The following TBC1D1 variants were observed in gnomAD, a reference collection of about 807,000 sequenced individuals.
The protein encoded by TBC1D1 is TBC1 domain family member 1, also known as TBC1 (tre-2/USP6, BUB2, cdc16) domain family, member 1.
A neutral mutation model predicts 125.6 loss-of-function variants in TBC1D1; 89 were observed. The observed-to-expected ratio is 0.71, with a 90% CI of 0.60 to 0.85. The LOEUF is 0.85. TBC1D1 is among the 40% of genes least tolerant of loss of function. The probability of loss-of-function intolerance (pLI) is 0.00; values close to 1 mark genes in which losing one functional copy is unlikely to be tolerated. For synonymous variants in TBC1D1, 565 were observed against 564.1 expected, an observed-to-expected ratio of 1.00 and a Z score of -0.02; for missense variants, 1,377 against 1,469.2, an observed-to-expected ratio of 0.94 and a Z score of 1.03.
intron 2 of TBC1D1, among the ~76,000 whole-genome samples, chr4:37,949,781 A>G (rs1727453988): frequency 6.6e-6 from 1 of 152,208 alleles, no homozygotes; most frequent in Non-Finnish European, 1.5e-5. Context: ...CCATTTTAGC[A>G]TGAAAGTAAC....
At chr4:37,905,808 A>C (rs377759746) in intron 2 of TBC1D1, among the ~76,000 whole-genome samples, 5 of 152,210 alleles carry the variant, frequency 3.3e-5, no homozygotes, top group African/African-American at 1.2e-4. Context: ...CTTGATCTTT[A>C]GGATTGCGCT....
intron 13 of TBC1D1, among the ~76,000 whole-genome samples, chr4:38,091,590 C>T (rs1758436123): frequency 6.6e-6 from 1 of 152,160 alleles, no homozygotes; most frequent in Non-Finnish European, 1.5e-5. Flanking sequence ...AACTTTAATG[C>T]CAATACTGGC....
chr4:37,957,891 A>G (rs1729226152), intron 2 of TBC1D1, among the ~76,000 whole-genome samples: 1 of 152,172 alleles, frequency 6.6e-6, no homozygotes, highest in Non-Finnish European at 1.5e-5. Context: ...AACAGATGAT[A>G]GTTTTTCATG....
chr4:38,015,602 T>C (rs1231435826), intron 3 of TBC1D1, among the ~76,000 whole-genome samples: 1 of 152,180 alleles, frequency 6.6e-6, no homozygotes, highest in African/African-American at 2.4e-5. Flanking sequence ...GTGCCCTCCC[T>C]GGGAGTCCCC....
intron 5 of TBC1D1, 78 bp downstream of exon 5, chr4:38,020,773 G>A: frequency 8.2e-7 from 1 of 1,226,120 alleles, no homozygotes; most frequent in East Asian, 2.4e-5. Flanking sequence ...TCTGTCCTTA[G>A]GGAAAACCAG....
At position 38,007,275 on chromosome 4, in the gene TBC1D1, C is replaced by T. The variant is rs183056401; in HGVS notation, c.418-7234C>T. Among the ~76,000 whole-genome samples the T allele has an allele frequency of 1.2e-3, 185 of 151,758 alleles. 1 individual carries two copies. Among genetic ancestry groups the T allele is most frequent in the East Asian group, 9.7e-4 (5 of 5,178 alleles). ...AATTTATTATTATTATTTTTTGAGA[C>T]GGAGTCTTGCTCTGTCGCCCAGGCT... On this transcript the variant is annotated intron_variant, in intron 2 of 19. Transcript: ENST00000261439.
chr4:38,057,365 C>T (rs1751915753), intron 12 of TBC1D1, among the ~76,000 whole-genome samples: 1 of 152,180 alleles, frequency 6.6e-6, no homozygotes, highest in Non-Finnish European at 1.5e-5. Flanking sequence ...TCTCCCATAG[C>T]AGCTCTCTCC....
At chr4:38,031,223 C>T (rs1480213918) in intron 7 of TBC1D1, among the ~76,000 whole-genome samples, 1 of 152,166 alleles carries the variant, frequency 6.6e-6, no homozygotes, top group African/African-American at 2.4e-5. Context: ...TTCTCCTAAT[C>T]TATATGAGTG....
At chr4:38,100,937 G>A (rs1017618712) in intron 14 of TBC1D1, among the ~76,000 whole-genome samples, 126 of 152,086 alleles carry the variant, frequency 8.3e-4, no homozygotes, top group African/African-American at 3.0e-3. Flanking sequence ...TGACATGGAG[G>A]ACACCAAGAG....
intron 19 of TBC1D1, among the ~76,000 whole-genome samples, chr4:38,135,053 C>G (rs183360762): frequency 2.0e-5 from 3 of 152,172 alleles, no homozygotes; most frequent in Admixed American, 2.0e-4. Context: ...TTCCATGATC[C>G]CCTACGAAAA....
intron 15 of TBC1D1, chr4:38,110,384 G>T (rs1762007140): frequency 1.0e-6 from 1 of 985,242 alleles, no homozygotes; most frequent in Admixed American, 6.1e-5. Context: ...ATCCTAATAG[G>T]ATTCCTGCCT....
In TBC1D1 at chr4:38,125,056, A is replaced by G. The variant is rs768577480; in HGVS notation, c.3057A>G (p.Leu1019=). 26 of 1,614,060 alleles carry G rather than the reference A, an allele frequency of 1.6e-5. No homozygotes were observed. The highest frequency in any genetic ancestry group is 1.6e-4 in the Middle Eastern group (1 of 6,084). ...CCTTGATTCTGCAGCATGAAAACCTAGAAACCATAGTTGACTTTATAAAAA... is the reference window on the plus strand; with the variant it reads ...CCTTGATTCTGCAGCATGAAAACCTGGAAACCATAGTTGACTTTATAAAAA... The change falls in exon 18 of 20, where the codon CTA becomes CTG. Residue 1019 remains leucine (L), a synonymous_variant. Transcript: ENST00000261439.
Position 38,036,715 on chromosome 4 carries a change from G to A in TBC1D1, c.1413+1017G>A, listed in dbSNP as rs1747290569. ...GTCACGTGCCTTCCCTGAACACTTG[G>A]GCTGGTGTACAGTGTCAGCCACGGT... is the stretch of plus-strand genomic sequence containing the variant. On this transcript the variant is annotated intron_variant, in intron 8 of 19. Transcript: ENST00000261439. Among the ~76,000 whole-genome samples the A allele has an allele frequency of 2.0e-5, 3 of 152,142 alleles. 1 individual carries two copies. The South Asian group carries it at 6.2e-4, about 32-fold the overall frequency.
At chr4:37,996,086 T>C in intron 2 of TBC1D1, 1 of 510,878 alleles carries the variant, frequency 2.0e-6, no homozygotes. Context: ...TGTGGGTATA[T>C]GATTTTCTGT....
At chr4:37,946,242 G>A (rs184513986) in intron 2 of TBC1D1, among the ~76,000 whole-genome samples, 42 of 152,324 alleles carry the variant, frequency 2.8e-4, no homozygotes, top group Admixed American at 1.2e-3. Flanking sequence ...TTACCTAGGA[G>A]GAATGAGTTC....
intron 9 of TBC1D1, 73 bp from the exon 10 acceptor site, chr4:38,045,744 A>G: frequency 5.6e-6 from 6 of 1,073,984 alleles, no homozygotes; most frequent in Non-Finnish European, 8.7e-6. Context: ...ATTTAAATGG[A>G]CCAATCTGCT....
intron 1 of TBC1D1, among the ~76,000 whole-genome samples, chr4:37,893,140 C>G (rs1487910857): frequency 2.0e-5 from 3 of 152,180 alleles, no homozygotes; most frequent in African/African-American, 7.2e-5. Flanking sequence ...GCTGCCTGCT[C>G]TGTTGGCCAC....
In TBC1D1 at chr4:38,095,997, G is replaced by T; in HGVS notation, c.2305G>T (p.Glu769Ter). The change falls in exon 14 of 20, where the codon GAA becomes TAA. Residue 769 changes from glutamate (E) to a stop codon, truncating the protein, a stop_gained. Coordinates refer to ENST00000261439, the MANE Select transcript of TBC1D1 (RefSeq NM_015173.4). LOFTEE classifies it high-confidence loss of function. ...TGAAGAAATTACTCCCTGTCTTAAA[G>T]AAGTAACTACAGTGTGGGAAAAGAT... 5 of 1,614,028 alleles carry T rather than the reference G, an allele frequency of 3.1e-6. No individual in the cohort carries two copies. The highest frequency in any genetic ancestry group is 4.2e-6 in the Non-Finnish European group (5 of 1,179,954).
At chr4:37,979,416 A>G (rs1211914310) in intron 2 of TBC1D1, among the ~76,000 whole-genome samples, 1 of 152,178 alleles carries the variant, frequency 6.6e-6, no homozygotes, top group Non-Finnish European at 1.5e-5. Flanking sequence ...TATTTCTTGG[A>G]GTTATAGATT....
Sources: gnomAD v4.1 joint callset for allele counts (sites outside exome capture counted in the v4.1 genomes callset) on GRCh38, gnomAD v4.1.1 for gene constraint, MANE v1.5 for transcripts, NCBI Gene and HGNC (gene_info 2026-07-23, HGNC 2026-07-21) for gene names.